The following EDIL3 variants were observed in gnomAD, a reference collection of about 807,000 sequenced individuals.
EDIL3 encodes EGF like and discoidin domains 3, also known as EGF-like repeat and discoidin I-like domain-containing protein 3.
In EDIL3, 37 loss-of-function variants were observed where a neutral mutation model predicts 67.4. The ratio of observed to expected loss-of-function variants is 0.55; its 90% CI spans 0.42 to 0.72. EDIL3 has a LOEUF of 0.72. Among genes scored for constraint, EDIL3 ranks in the 30% least tolerant of loss-of-function variants. The pLI is 0.00. For missense variants in EDIL3, 527 were observed against 586.3 expected (o/e 0.90, Z 1.04); for synonymous variants, 195 against 196.3 (o/e 0.99, Z 0.05).
intron 3 of EDIL3, among the ~76,000 whole-genome samples, chr5:84,184,813 G>A (rs1425637670): frequency 6.6e-6 from 1 of 152,106 alleles, no homozygotes; most frequent in African/African-American, 2.4e-5. Flanking sequence ...GATGTGAATT[G>A]GTACATTGGA....
chr5:84,158,148 A>G (rs1205061507), intron 4 of EDIL3, among the ~76,000 whole-genome samples: 1 of 152,068 alleles, frequency 6.6e-6, no homozygotes, highest in Non-Finnish European at 1.5e-5. Flanking sequence ...AAATAACTTG[A>G]CATCTGACTG....
At chr5:84,319,494 C>A (rs199806433) in intron 1 of EDIL3, among the ~76,000 whole-genome samples, 87 of 42,826 alleles carry the variant, frequency 2.0e-3, no homozygotes, top group Middle Eastern at 0.045. Context: ...CAAAAAACAA[C>A]AAAAAAAAAA....
chr5:84,299,041 T>C lies in EDIL3; in HGVS notation c.68-44829A>G, dbSNP rs1746103522. On this transcript the variant is annotated intron_variant, in intron 1 of 10. Coordinates refer to ENST00000296591, the MANE Select transcript of EDIL3 (RefSeq NM_005711.5). ...GGGAGCCATAACCCGCAGCTAAAAC[T>C]GAAGACCTGGTGCTGAGAAATGAAA... Among the ~76,000 whole-genome samples the C allele has an allele frequency of 2.0e-5, 3 of 152,160 alleles. No homozygotes were observed. The South Asian group carries it at 6.2e-4, about 31-fold the overall frequency.
At chr5:84,367,817 T>A (rs944571410) in intron 1 of EDIL3, among the ~76,000 whole-genome samples, 1 of 152,126 alleles carries the variant, frequency 6.6e-6, no homozygotes, top group Admixed American at 6.6e-5. Context: ...ACCAACTAGA[T>A]AATTTGCTTG....
At chr5:84,298,720 T>C (rs1224820774) in intron 1 of EDIL3, among the ~76,000 whole-genome samples, 1 of 152,192 alleles carries the variant, frequency 6.6e-6, no homozygotes, top group African/African-American at 2.4e-5. Context: ...CTTGCCAAAA[T>C]CATATATAAT....
chr5:84,237,166 G>A (rs1744697762), intron 2 of EDIL3, among the ~76,000 whole-genome samples: 1 of 152,022 alleles, frequency 6.6e-6, no homozygotes, highest in African/African-American at 2.4e-5. Context: ...CTTTATTTAT[G>A]TGTGGGAGAC....
chr5:84,013,630 G>C (rs1481850056), intron 9 of EDIL3, among the ~76,000 whole-genome samples: 1 of 152,130 alleles, frequency 6.6e-6, no homozygotes, highest in African/African-American at 2.4e-5. Context: ...TGACAGCTAT[G>C]TGTTCACCAT....
At chr5:84,082,122 T>G (rs1480262982) in intron 6 of EDIL3, among the ~76,000 whole-genome samples, 1 of 152,234 alleles carries the variant, frequency 6.6e-6, no homozygotes, top group Non-Finnish European at 1.5e-5. Context: ...TTTTTCTTAA[T>G]CCAGTATATT....
chr5:84,167,406 C>T (rs1429339628), intron 4 of EDIL3, among the ~76,000 whole-genome samples: 1 of 152,066 alleles, frequency 6.6e-6, no homozygotes, highest in African/African-American at 2.4e-5. Flanking sequence ...CTCCTTCTCT[C>T]CCTGCTTCTC....
rs12655484 is a variant in EDIL3, at chr5:84,076,750, T to C, written c.652-10144A>G. ...CAACAAAGACTGTCAGCTGTTTTCA[T>C]TGATGTGGCAGGATTGCTGTATTCA... On this transcript the variant is annotated intron_variant, in intron 6 of 10. Coordinates refer to ENST00000296591, the MANE Select transcript of EDIL3 (RefSeq NM_005711.5). Among the ~76,000 whole-genome samples, 1,428 of 152,316 alleles carry C rather than the reference T, an allele frequency of 9.4e-3. 56 individuals carry two copies. In the East Asian group the frequency reaches 0.094, roughly 10 times the overall value.
chr5:84,064,933 A>G, intron 7 of EDIL3, 89 bp from the exon 8 acceptor site: 1 of 1,413,072 alleles, frequency 7.1e-7, no homozygotes, highest in Non-Finnish European at 9.3e-7. Context: ...ATCGAAAATA[A>G]TTGTTCGAAG....
intron 9 of EDIL3, among the ~76,000 whole-genome samples, chr5:84,052,309 G>A (rs1220416486): frequency 6.6e-6 from 1 of 152,198 alleles, no homozygotes; most frequent in Non-Finnish European, 1.5e-5. Context: ...CCTGAAGGAA[G>A]CAATGAACAT....
At chr5:84,249,584 T>C (rs1170704737) in intron 2 of EDIL3, among the ~76,000 whole-genome samples, 1 of 152,182 alleles carries the variant, frequency 6.6e-6, no homozygotes, top group African/African-American at 2.4e-5. Context: ...TCAATAAATA[T>C]TTGTTTGAAA....
chr5:84,055,444 C>A (rs1746425114), intron 9 of EDIL3, among the ~76,000 whole-genome samples: 2 of 136,306 alleles, frequency 1.5e-5, no homozygotes, highest in Non-Finnish European at 3.1e-5. Context: ...CAATAAAAGC[C>A]AAAATTGACA....
chr5:83,988,735 A>T (rs948586827), intron 9 of EDIL3, among the ~76,000 whole-genome samples: 1 of 152,204 alleles, frequency 6.6e-6, no homozygotes, highest in African/African-American at 2.4e-5. Context: ...ACACTAAAAT[A>T]TATTTTAAAT....
intron 5 of EDIL3, among the ~76,000 whole-genome samples, chr5:84,129,217 TG>T (rs1287988349): frequency 6.6e-6 from 1 of 152,172 alleles, no homozygotes; most frequent in Non-Finnish European, 1.5e-5. Flanking sequence ...GTCAATTTTT[TG>T]TGTTTATTGT....
At position 83,963,380 on chromosome 5, in the gene EDIL3, C is replaced by T. The variant is rs1363120706; in HGVS notation, c.1138-20G>A. On this transcript the variant is annotated intron_variant, in intron 9 of 10. Coordinates refer to ENST00000296591, the MANE Select transcript of EDIL3 (RefSeq NM_005711.5). ...ATCCACCTTAAAAAAAAGAAAAATA[C>T]AGGCTTTAAATGCGACAACCAAGTT... The T allele has an allele frequency of 6.3e-7, 1 of 1,582,744 alleles. No individual in the cohort carries two copies.
rs1749035913 is a variant in EDIL3, at chr5:84,182,718, A to C, written c.227-2197T>G. ...AGTCTAACAAAGAAACACATGGAAC[A>C]GGAAACAATGTGGCAACTGTACAGT... On this transcript the variant is annotated intron_variant, in intron 3 of 10. Coordinates refer to ENST00000296591, the MANE Select transcript of EDIL3 (RefSeq NM_005711.5). Among the ~76,000 whole-genome samples the C allele has an allele frequency of 2.0e-5, 3 of 152,208 alleles. No individual in the cohort carries two copies. The South Asian group carries it at 6.2e-4, about 31-fold the overall frequency.
chr5:84,340,532 C>CTA (rs1554043229), intron 1 of EDIL3, among the ~76,000 whole-genome samples: 94 of 66,552 alleles, frequency 1.4e-3, no homozygotes, highest in East Asian at 2.0e-3. Context: ...CTCTCTCTCT[C>CTA]TCTATATATA....
Sources: allele counts gnomAD v4.1 joint callset (sites outside exome capture counted in the v4.1 genomes callset), GRCh38; gene constraint gnomAD v4.1.1; transcripts MANE v1.5; gene names NCBI Gene and HGNC (gene_info 2026-07-23, HGNC 2026-07-21).